ABLIM3: variants seen among roughly 807,000 people sequenced by gnomAD.
ABLIM3 encodes actin-binding LIM protein 3.
Under a neutral mutation model 109.5 loss-of-function variants are expected in ABLIM3, and 61 were observed. The ratio of observed to expected loss-of-function variants is 0.56; its 90% confidence interval spans 0.45 to 0.69. The LOEUF (loss-of-function observed/expected upper bound fraction) is 0.69. Among genes scored for constraint, ABLIM3 ranks in the 30% least tolerant of loss-of-function variants. ABLIM3 has a pLI of 0.00. For missense variants in ABLIM3, 796 were observed against 889.5 expected (o/e 0.89, Z 1.34); for synonymous variants, 300 against 324.8 (o/e 0.92, Z 0.82).
At chr5:149,240,366 T>G in intron 13 of ABLIM3, 2 of 430,600 alleles carry the variant, frequency 4.6e-6, no homozygotes, top group East Asian at 4.2e-5. Context: ...AAGGGGGAGG[T>G]TCAAGGATGG....
At chr5:149,249,928 T>C (rs867081487) in intron 19 of ABLIM3, 84 bp downstream of exon 19, 1 of 1,509,950 alleles carries the variant, frequency 6.6e-7, no homozygotes, top group Non-Finnish European at 9.2e-7. Context: ...ATAGTTCTAA[T>C]GACCATACAA....
At position 149,259,356 on chromosome 5, in the gene ABLIM3, G is replaced by A. The variant is rs1389920272; in HGVS notation, c.*952G>A. 2.8e-6 allele frequency: 4 copies of A among 1,451,056 alleles called. No homozygotes were observed. The highest frequency in any genetic ancestry group is 3.6e-6 in the Non-Finnish European group (4 of 1,105,588). The allele number at this position is 1,451,056 out of a possible 1,614,324, so 89.9% of individuals were successfully genotyped here. A position where few individuals can be genotyped will look rare whatever the true frequency, so the allele number is the denominator to read the frequency against. ...GCCTGACAACTCAACACACCGCAGG[G>A]CTAATGTTCCCACCAGAGCTCCAAC... On this transcript the variant is annotated 3_prime_UTR_variant, in exon 24 of 24. Transcript: ENST00000309868.
At chr5:149,241,999 C>G (rs138357314) in intron 14 of ABLIM3, among the ~76,000 whole-genome samples, 1 of 152,270 alleles carries the variant, frequency 6.6e-6, no homozygotes, top group African/African-American at 2.4e-5. Flanking sequence ...CACTCACGTT[C>G]CCCTCAAGAG....
chr5:149,207,408 G>A (rs758325206), intron 6 of ABLIM3, among the ~76,000 whole-genome samples: 3 of 152,018 alleles, frequency 2.0e-5, no homozygotes, highest in East Asian at 1.9e-4. Context: ...CCCTCCGGCC[G>A]TCTCTCATTT....
chr5:149,155,300 G>A (rs188368426), intron 2 of ABLIM3, among the ~76,000 whole-genome samples: 5 of 152,222 alleles, frequency 3.3e-5, no homozygotes, highest in African/African-American at 4.8e-5. Context: ...TCATTCACTC[G>A]GGCAGTGAAA....
chr5:149,255,690 G>A (rs1483656195), intron 23 of ABLIM3, among the ~76,000 whole-genome samples: 3 of 152,208 alleles, frequency 2.0e-5, no homozygotes, highest in African/African-American at 7.2e-5. Context: ...CCCTGATGCA[G>A]GAGGGAGCTT....
chr5:149,206,347 T>C (rs759650498), intron 5 of ABLIM3, among the ~76,000 whole-genome samples: 10 of 152,160 alleles, frequency 6.6e-5, no homozygotes, highest in Non-Finnish European at 1.0e-4. Context: ...TGAAGCACAA[T>C]GGGGAAGGGG....
At chr5:149,152,420 T>A (rs10783193) in intron 2 of ABLIM3, among the ~76,000 whole-genome samples, 111,064 of 152,030 alleles carry the variant, frequency 0.73, 40,873 homozygotes, top group African/African-American at 0.8. Context: ...ATGATATTAA[T>A]GTCCTCATGA....
At chr5:149,253,690 G>T (rs530780760) in intron 23 of ABLIM3, among the ~76,000 whole-genome samples, 1 of 152,276 alleles carries the variant, frequency 6.6e-6, no homozygotes, top group Non-Finnish European at 1.5e-5. Context: ...AAGGTGCAGA[G>T]GTGGGCCAGA....
At chr5:149,218,278 TC>T (rs1196899166) in intron 8 of ABLIM3, 5 of 152,268 alleles carry the variant, frequency 3.3e-5, no homozygotes. Flanking sequence ...GCACCTTCTC[TC>T]TGTGTCTCCA....
intron 3 of ABLIM3, among the ~76,000 whole-genome samples, chr5:149,190,270 G>T (rs565926197): frequency 6.6e-6 from 1 of 152,136 alleles, no homozygotes; most frequent in Non-Finnish European, 1.5e-5. Flanking sequence ...TGATGAAAAC[G>T]TTCTGGAATT....
rs1758193936 is a variant in ABLIM3, at chr5:149,198,504, GC to G, written c.335+103del. The G allele has an allele frequency of 6.5e-6, 9 of 1,382,400 alleles. No homozygotes were observed. Among genetic ancestry groups the G allele is most frequent in the Non-Finnish European group, 8.7e-6 (9 of 1,038,722 alleles). The allele number at this position is 1,382,400 out of a possible 1,614,324, so 85.6% of individuals were successfully genotyped here. The stretch of plus-strand genomic sequence containing the variant: ...AAGTTCTGGGGTTTACAAGGTTTGT[GC>G]TGCACATTTAGATTTCTGGAACCTC... On this transcript the variant is annotated intron_variant, in intron 4 of 23. Transcript: ENST00000309868. This position sits in a 1 kb window ranked among gnomAD's most constrained non-coding sequence, Gnocchi z 4.2.
intron 2 of ABLIM3, among the ~76,000 whole-genome samples, chr5:149,150,730 G>A (rs1403100908): frequency 6.6e-6 from 1 of 152,200 alleles, no homozygotes; most frequent in Non-Finnish European, 1.5e-5. Context: ...GAACACCTTC[G>A]ACTTTCTGGG....
intron 8 of ABLIM3, chr5:149,218,510 C>CT (rs1427494490): frequency 6.6e-6 from 1 of 152,312 alleles, no homozygotes; most frequent in African/African-American, 2.4e-5. Flanking sequence ...CTGCAAGACT[C>CT]TGAGGTGGGT....
chr5:149,244,981 G>A lies in ABLIM3; in HGVS notation c.1452G>A (p.Glu484=), dbSNP rs1204833807. 5.6e-6 allele frequency: 9 copies of A among 1,614,090 alleles called. No individual in the cohort carries two copies. Among genetic ancestry groups the A allele is most frequent in the Non-Finnish European group, 7.6e-6 (9 of 1,180,048 alleles). ...CGCCAGACCCCTACTATGCTTCGGAGTCTGAGTACTGGACCTACCATGGGT... is the reference window on the plus strand; with the variant it reads ...CGCCAGACCCCTACTATGCTTCGGAATCTGAGTACTGGACCTACCATGGGT... ...IYSPDPYYAS[E]SEYWTYHGSP... The change falls in exon 16 of 24, where the codon GAG becomes GAA. Residue 484 remains glutamate, a synonymous_variant. Coordinates refer to ENST00000309868, the MANE Select transcript of ABLIM3 (RefSeq NM_014945.5).
chr5:149,260,518 A>G lies in ABLIM3; in HGVS notation c.*2114A>G, dbSNP rs1466809372. 6.6e-6 allele frequency: 1 copy of G among 152,520 alleles called. No homozygotes were observed. The highest frequency in any genetic ancestry group is 2.4e-5 in the African/African-American group (1 of 41,410). The allele number at this position is 152,520 out of a possible 1,614,324, so 9.4% of individuals were successfully genotyped here. A position where few individuals can be genotyped will look rare whatever the true frequency, so the allele number is the denominator to read the frequency against. ...GAGGCTGAACCCTGCACATTTTTCA[A>G]AATGAAAGCACCAAAACAGCAGCCA... On this transcript the variant is annotated 3_prime_UTR_variant, in exon 24 of 24. Transcript: ENST00000309868.
chr5:149,149,216 G>A (rs1026979113), intron 2 of ABLIM3, among the ~76,000 whole-genome samples: 2 of 152,180 alleles, frequency 1.3e-5, no homozygotes, highest in African/African-American at 4.8e-5. Context: ...TGTGGTCTTG[G>A]ACAGAATAGA....
In ABLIM3 at chr5:149,239,760, A is replaced by T. The variant is rs569021921; in HGVS notation, c.1076A>T (p.Asp359Val). ...TCACAGCCCCATTTCCTCTCCCAGG[A>T]CATCTACGAGAACCTGGACCTCCGG... ...SLGTLSPYSQ[D>V]IYENLDLRQR... The change falls in exon 13 of 24, where the codon GAC becomes GTC. Residue 359 changes from aspartate (D) to valine (V), a missense_variant and splice_region_variant. Asp to Val is a radical substitution (Grantham distance 152, BLOSUM62 -3). Coordinates refer to ENST00000309868, the MANE Select transcript of ABLIM3 (RefSeq NM_014945.5). 6.2e-7 allele frequency: 1 copy of T among 1,601,714 alleles called. No individual in the cohort carries two copies. The highest frequency in any genetic ancestry group is 1.3e-5 in the African/African-American group (1 of 74,406).
intron 21 of ABLIM3, 22 bp downstream of exon 21, chr5:149,251,441 G>T (rs770507836): frequency 9.3e-6 from 15 of 1,612,496 alleles, no homozygotes; most frequent in Admixed American, 1.7e-5. Flanking sequence ...CCTGCAGGGG[G>T]TCTGCAGGGA....
Sources: gnomAD v4.1 joint callset for allele counts (sites outside exome capture counted in the v4.1 genomes callset) on GRCh38, gnomAD v4.1.1 for gene constraint, Gnocchi (gnomAD v3.1) non-coding constraint, MANE v1.5 for transcripts, NCBI Gene and HGNC (gene_info 2026-07-23, HGNC 2026-07-21) for gene names.